The following LSAMP variants were observed in gnomAD, a reference collection of about 807,000 sequenced individuals.
LSAMP encodes limbic system associated membrane protein, also known as limbic system-associated membrane protein.
A neutral mutation model predicts 38.6 loss-of-function variants in LSAMP; 7 were observed. That is an observed-to-expected ratio of 0.18 (90% CI 0.10 to 0.34). The LOEUF (loss-of-function observed/expected upper bound fraction) is 0.34. LSAMP is among the 10% of genes least tolerant of loss of function. The probability of loss-of-function intolerance (pLI) is 1.00; values close to 1 mark genes in which losing one functional copy is unlikely to be tolerated. For synonymous variants in LSAMP, 154 were observed against 166.8 expected, an observed-to-expected ratio of 0.92 and a Z score of 0.59; for missense variants, 313 against 420.0, an observed-to-expected ratio of 0.75 and a Z score of 2.23.
intron 1 of LSAMP, among the ~76,000 whole-genome samples, chr3:116,265,200 G>A (rs898543485): frequency 6.6e-6 from 1 of 152,010 alleles, no homozygotes; most frequent in African/African-American, 2.4e-5. Flanking sequence ...AAAAGCATAT[G>A]CTGAAGAATA....
At chr3:116,137,642 A>T (rs1176872661) in intron 1 of LSAMP, among the ~76,000 whole-genome samples, 1 of 152,158 alleles carries the variant, frequency 6.6e-6, no homozygotes, top group Non-Finnish European at 1.5e-5. Context: ...TGGCTACCCC[A>T]GCTAATCAAT....
chr3:116,180,184 G>A (rs938285352), intron 1 of LSAMP, among the ~76,000 whole-genome samples: 2 of 151,998 alleles, frequency 1.3e-5, no homozygotes, highest in Non-Finnish European at 2.9e-5. Context: ...GGGTATATCC[G>A]TGCATTACAT....
intron 3 of LSAMP, among the ~76,000 whole-genome samples, chr3:115,938,002 T>C (rs1937767774): frequency 6.6e-6 from 1 of 152,186 alleles, no homozygotes. Flanking sequence ...CTATAGTCAG[T>C]AGTTTGAAAG....
chr3:115,845,715 A>T (rs1182914585), intron 4 of LSAMP, among the ~76,000 whole-genome samples: 1 of 152,084 alleles, frequency 6.6e-6, no homozygotes, highest in Non-Finnish European at 1.5e-5. Context: ...AGCCACCTTG[A>T]TCTCTAAAAA....
rs544655688 is a variant in LSAMP at position 115,900,106 on chromosome 3, A to G, written c.515-47489T>C. Among the ~76,000 whole-genome samples, 24 of 152,316 alleles carry G rather than the reference A, an allele frequency of 1.6e-4. No individual in the cohort carries two copies. In the East Asian group the frequency reaches 1.7e-3, roughly 11 times the overall value. On this transcript the variant is annotated intron_variant, in intron 3 of 6. Coordinates refer to ENST00000490035, the MANE Select transcript of LSAMP (RefSeq NM_002338.5). ...TTCTTTACCTGTCTTCCTACATTCA[A>G]TACATCAGAGAATTTCAGTGTGGGT...
At chr3:116,172,007 C>T (rs1710211871) in intron 1 of LSAMP, among the ~76,000 whole-genome samples, 1 of 151,908 alleles carries the variant, frequency 6.6e-6, no homozygotes, top group Non-Finnish European at 1.5e-5. Context: ...TATTTTAGTG[C>T]ACAATTTTAT....
intron 1 of LSAMP, among the ~76,000 whole-genome samples, chr3:116,441,788 T>C (rs1269777770): frequency 6.6e-6 from 1 of 152,228 alleles, no homozygotes; most frequent in African/African-American, 2.4e-5. Flanking sequence ...TCTCACTCTT[T>C]CCTGTACACA....
intron 2 of LSAMP, among the ~76,000 whole-genome samples, chr3:116,072,758 T>G (rs1707642002): frequency 6.6e-6 from 1 of 150,438 alleles, no homozygotes. Context: ...TGTGGTTTTT[T>G]TTTTTTTTTT....
chr3:116,408,328 A>G (rs1439389107), intron 1 of LSAMP, among the ~76,000 whole-genome samples: 1 of 152,118 alleles, frequency 6.6e-6, no homozygotes, highest in Non-Finnish European at 1.5e-5. Flanking sequence ...AAGAATGTTT[A>G]TTTTCATTCT....
At chr3:115,835,584 C>T (rs1025273821) in intron 6 of LSAMP, among the ~76,000 whole-genome samples, 1 of 152,046 alleles carries the variant, frequency 6.6e-6, no homozygotes, top group African/African-American at 2.4e-5. Flanking sequence ...AAATAAAGAC[C>T]AATGAGAAAT....
chr3:115,908,074 G>T (rs1937053333), intron 3 of LSAMP, among the ~76,000 whole-genome samples: 1 of 149,468 alleles, frequency 6.7e-6, no homozygotes, highest in Non-Finnish European at 1.5e-5. Context: ...ACCATACAGG[G>T]AAGATAAGAA....
At chr3:116,276,101 T>A (rs2047048285) in intron 1 of LSAMP, among the ~76,000 whole-genome samples, 1 of 152,238 alleles carries the variant, frequency 6.6e-6, no homozygotes, top group South Asian at 2.1e-4. Context: ...AACAGGCTTT[T>A]TCTTGTTGGA....
intron 3 of LSAMP, among the ~76,000 whole-genome samples, chr3:115,866,542 A>G (rs1394060714): frequency 6.6e-6 from 1 of 152,170 alleles, no homozygotes; most frequent in Non-Finnish European, 1.5e-5. Context: ...GTGAACTTGG[A>G]GAATGACAGA....
intron 1 of LSAMP, among the ~76,000 whole-genome samples, chr3:116,093,057 A>T (rs1050692394): frequency 2.0e-5 from 3 of 152,188 alleles, no homozygotes; most frequent in Non-Finnish European, 4.4e-5. Context: ...CGCACCAGTT[A>T]TCTATACTCA....
chr3:116,384,203 A>G (rs1293620366), intron 1 of LSAMP, among the ~76,000 whole-genome samples: 1 of 152,072 alleles, frequency 6.6e-6, no homozygotes, highest in African/African-American at 2.4e-5. Flanking sequence ...AGTATCCTCC[A>G]CAATTTATCT....
At chr3:116,417,069 T>C (rs1022183764) in intron 1 of LSAMP, among the ~76,000 whole-genome samples, 4 of 152,178 alleles carry the variant, frequency 2.6e-5, no homozygotes, top group Non-Finnish European at 5.9e-5. Flanking sequence ...CTTTTTAAGA[T>C]TGTATTTGTT....
chr3:116,086,303 T>A, intron 2 of LSAMP, 21 bp downstream of exon 2: 2 of 1,591,272 alleles, frequency 1.3e-6, no homozygotes, highest in Non-Finnish European at 1.7e-6. Context: ...TTACCACCCT[T>A]CTATCCCACA....
At chr3:116,383,271 A>G (rs772178518) in intron 1 of LSAMP, among the ~76,000 whole-genome samples, 7 of 152,080 alleles carry the variant, frequency 4.6e-5, no homozygotes, top group Non-Finnish European at 7.4e-5. Context: ...CTAAATCTCT[A>G]TAGCAGGTGA....
At chr3:116,192,232 C>T (rs936444653) in intron 1 of LSAMP, among the ~76,000 whole-genome samples, 1 of 152,022 alleles carries the variant, frequency 6.6e-6, no homozygotes, top group African/African-American at 2.4e-5. Context: ...CTGATTGTTC[C>T]GATCAGTGAG....
Sources: gnomAD v4.1 joint callset for allele counts (sites outside exome capture counted in the v4.1 genomes callset) on GRCh38, gnomAD v4.1.1 for gene constraint, MANE v1.5 for transcripts, NCBI Gene and HGNC (gene_info 2026-07-23, HGNC 2026-07-21) for gene names.